The following RAB27A variants were observed in gnomAD, a reference collection of about 807,000 sequenced individuals.
The protein encoded by RAB27A is ras-related protein Rab-27A.
A neutral mutation model predicts 20.8 loss-of-function variants in RAB27A; 17 were observed. That is an observed-to-expected ratio of 0.82 (90% CI 0.56 to 1.23). RAB27A has a LOEUF of 1.23. Ranked by LOEUF, RAB27A falls within the 50% of genes most tolerant of loss-of-function variation. The pLI is 0.00. For synonymous variants in RAB27A, 85 were observed against 92.8 expected (o/e 0.92, Z 0.48); for missense variants, 277 against 266.7 (o/e 1.04, Z -0.27).
intron 2 of RAB27A, among the ~76,000 whole-genome samples, chr15:55,264,115 G>A (rs553246441): frequency 8.5e-5 from 13 of 152,280 alleles, no homozygotes; most frequent in African/African-American, 2.2e-4. Flanking sequence ...GCAGTGGTCC[G>A]ATCTTGGCTC....
intron 1 of RAB27A, among the ~76,000 whole-genome samples, chr15:55,277,678 T>G (rs2141114170): frequency 6.6e-6 from 1 of 152,226 alleles, no homozygotes; most frequent in South Asian, 2.1e-4. Flanking sequence ...GTGTGTAAAA[T>G]GAAGAAAAAT....
intron 2 of RAB27A, among the ~76,000 whole-genome samples, chr15:55,313,468 T>C (rs1167055619): frequency 6.6e-6 from 1 of 152,146 alleles, no homozygotes; most frequent in Non-Finnish European, 1.5e-5. Flanking sequence ...ACTGAATAAA[T>C]CCATTTATAC....
chr15:55,292,637 C>T (rs898031042), upstream of RAB27A, among the ~76,000 whole-genome samples: 1 of 152,148 alleles, frequency 6.6e-6, no homozygotes, highest in African/African-American at 2.4e-5. Flanking sequence ...AGGAAGAAAA[C>T]CTAGTTGCAA....
At chr15:55,303,264 G>T (rs1595755743) in intron 2 of RAB27A, among the ~76,000 whole-genome samples, 1 of 104,700 alleles carries the variant, frequency 9.6e-6, no homozygotes, top group African/African-American at 4.7e-5. Flanking sequence ...GAGGTGGGGG[G>T]GTCAGCCCCC....
intron 1 of RAB27A, among the ~76,000 whole-genome samples, chr15:55,276,939 A>G (rs1480342000): frequency 6.6e-6 from 1 of 152,216 alleles, no homozygotes; most frequent in Non-Finnish European, 1.5e-5. Context: ...CCCCAAATTC[A>G]TCAAGATGTA....
chr15:55,205,469 A>G lies in RAB27A; in HGVS notation c.*38T>C. On this transcript the variant is annotated 3_prime_UTR_variant, in exon 7 of 7. Coordinates refer to ENST00000336787, the MANE Select transcript of RAB27A (RefSeq NM_183235.3). ...ATCAATCATAGAGAAGATCCCAGGC[A>G]TGGGCCACCTGAACTACTATGTCGC... The G allele has an allele frequency of 6.3e-7, 1 of 1,590,518 alleles. No homozygotes were observed. The highest frequency in any genetic ancestry group is 8.6e-7 in the Non-Finnish European group (1 of 1,158,554).
chr15:55,280,246 G>T (rs1897979862), intron 1 of RAB27A, among the ~76,000 whole-genome samples: 1 of 152,084 alleles, frequency 6.6e-6, no homozygotes, highest in Admixed American at 6.6e-5. Flanking sequence ...AGAGGACAGG[G>T]AGATTTGAGT....
At chr15:55,251,073 T>G (rs552020668) in intron 2 of RAB27A, among the ~76,000 whole-genome samples, 1 of 152,230 alleles carries the variant, frequency 6.6e-6, no homozygotes, top group Non-Finnish European at 1.5e-5. Context: ...AATCGTCTCA[T>G]TTGCCTTTGG....
At chr15:55,231,750 G>A (rs1896038620) in intron 3 of RAB27A, among the ~76,000 whole-genome samples, 1 of 152,076 alleles carries the variant, frequency 6.6e-6, no homozygotes, top group South Asian at 2.1e-4. Context: ...AAAGCTCCAT[G>A]CCCCAGCTTT....
At chr15:55,211,414 C>G (rs570530700) in intron 6 of RAB27A, among the ~76,000 whole-genome samples, 1 of 152,066 alleles carries the variant, frequency 6.6e-6, no homozygotes, top group African/African-American at 2.4e-5. Context: ...TTTTTGGTGT[C>G]CTCTTCAATT....
chr15:55,285,561 T>C (rs1045139384), intron 1 of RAB27A, among the ~76,000 whole-genome samples: 1 of 152,122 alleles, frequency 6.6e-6, no homozygotes, highest in African/African-American at 2.4e-5. Flanking sequence ...TGCACCTAGC[T>C]TAAGGGAAAC....
chr15:55,297,460 A>T (rs2054954468), intron 2 of RAB27A, among the ~76,000 whole-genome samples: 1 of 152,210 alleles, frequency 6.6e-6, no homozygotes, highest in Non-Finnish European at 1.5e-5. Flanking sequence ...TTTATCCTGT[A>T]ACTGCAACTT....
intron 1 of RAB27A, among the ~76,000 whole-genome samples, chr15:55,280,429 A>G (rs570008369): frequency 6.6e-6 from 1 of 151,924 alleles, no homozygotes; most frequent in South Asian, 2.1e-4. Flanking sequence ...CCCAAGCCCT[A>G]GCCACAAACC....
At chr15:55,208,691 G>C (rs1217221389) in intron 6 of RAB27A, among the ~76,000 whole-genome samples, 3 of 152,046 alleles carry the variant, frequency 2.0e-5, no homozygotes, top group Non-Finnish European at 4.4e-5. Flanking sequence ...TGTCTCATTG[G>C]TCAAAACTGT....
chr15:55,224,183 G>C (rs1191348143), intron 5 of RAB27A, among the ~76,000 whole-genome samples, 171 bp from the exon 6 acceptor site: 1 of 152,180 alleles, frequency 6.6e-6, no homozygotes, highest in East Asian at 1.9e-4. Flanking sequence ...AATAGTTGGG[G>C]CAGAAATATA....
intron 2 of RAB27A, among the ~76,000 whole-genome samples, chr15:55,265,732 G>C (rs1324689078): frequency 1.3e-5 from 2 of 152,114 alleles, no homozygotes; most frequent in African/African-American, 4.8e-5. Context: ...GTTTGCGCTT[G>C]CAAAGGTGTA....
At chr15:55,300,258 G>A (rs548223936) in intron 2 of RAB27A, among the ~76,000 whole-genome samples, 120 of 152,250 alleles carry the variant, frequency 7.9e-4, no homozygotes, top group Middle Eastern at 3.4e-3. Flanking sequence ...ATATGCTTGC[G>A]TGTGTGTATA....
At chr15:55,242,608 C>T (rs1595708510) in intron 2 of RAB27A, among the ~76,000 whole-genome samples, 2 of 152,146 alleles carry the variant, frequency 1.3e-5, no homozygotes, top group African/African-American at 4.8e-5. Flanking sequence ...AATTTTATAA[C>T]CTATTCTTAA....
At chr15:55,228,271 G>A (rs563482142) in intron 5 of RAB27A, among the ~76,000 whole-genome samples, 1 of 152,280 alleles carries the variant, frequency 6.6e-6, no homozygotes, top group African/African-American at 2.4e-5. Flanking sequence ...TAGACAAGCA[G>A]ATACTTAGAG....
Sources: allele counts gnomAD v4.1 joint callset (sites outside exome capture counted in the v4.1 genomes callset), GRCh38; gene constraint gnomAD v4.1.1; transcripts MANE v1.5; gene names NCBI Gene and HGNC (gene_info 2026-07-23, HGNC 2026-07-21).